Variants in CDK19 observed in about 807,000 individuals in gnomAD.
CDK19 encodes the protein cyclin-dependent kinase 19.
A neutral mutation model predicts 68.3 loss-of-function variants in CDK19; 20 were observed. The observed-to-expected ratio is 0.29, with a 90% CI of 0.21 to 0.43. The LOEUF (loss-of-function observed/expected upper bound fraction) is 0.43. Ranked by LOEUF, CDK19 falls within the 20% of genes least tolerant of loss-of-function variation. The pLI is 1.00. For synonymous variants in CDK19, 221 were observed against 222.8 expected (o/e 0.99, Z 0.07); for missense variants, 339 against 623.5 (o/e 0.54, Z 4.86).
chr6:110,768,680 T>C (rs751923409), intron 1 of CDK19, among the ~76,000 whole-genome samples: 4 of 151,996 alleles, frequency 2.6e-5, no homozygotes, highest in Non-Finnish European at 4.4e-5. Flanking sequence ...GGCAAAACTG[T>C]AGAGACAGAA....
intron 1 of CDK19, 45 bp downstream of exon 1, chr6:110,814,964 G>T (rs1271059775): frequency 1.3e-6 from 2 of 1,594,554 alleles, no homozygotes; most frequent in Non-Finnish European, 1.7e-6. Context: ...GTCGCGGGCA[G>T]GGCGAGGACC....
At chr6:110,798,687 A>G (rs1422324640) in intron 1 of CDK19, among the ~76,000 whole-genome samples, 1 of 151,572 alleles carries the variant, frequency 6.6e-6, no homozygotes, top group Non-Finnish European at 1.5e-5. Flanking sequence ...AAGATATACC[A>G]GAAGACATGA....
At chr6:110,700,439 T>G (rs921097111) in intron 2 of CDK19, 3 of 133,918 alleles carry the variant, frequency 2.2e-5, no homozygotes, top group African/African-American at 8.2e-5. Context: ...AAAATTCAGC[T>G]TTTTTTTTTG....
chr6:110,625,097 T>C (rs1293271046), intron 8 of CDK19, among the ~76,000 whole-genome samples: 2 of 152,192 alleles, frequency 1.3e-5, no homozygotes, highest in Non-Finnish European at 2.9e-5. Context: ...TCAAAGGGCA[T>C]ACATATTTTA....
intron 4 of CDK19, among the ~76,000 whole-genome samples, chr6:110,644,477 C>T (rs1780417585): frequency 1.3e-5 from 2 of 151,892 alleles, no homozygotes; most frequent in African/African-American, 4.8e-5. Context: ...ACAGTCAATA[C>T]TAATTTAATT....
rs2114523267 is a variant in CDK19 at position 110,610,899 on chromosome 6, A to C, written c.*3636T>G. 1 of 152,290 alleles carries C rather than the reference A, an allele frequency of 6.6e-6. No homozygotes were observed. Among genetic ancestry groups the C allele is most frequent in the Middle Eastern group, 3.4e-3 (1 of 294 alleles). 9.4% of individuals were successfully genotyped at this position (152,290 alleles called of 1,614,324 possible). A position where few individuals can be genotyped will look rare whatever the true frequency, so the allele number is the denominator to read the frequency against. On this transcript the variant is annotated 3_prime_UTR_variant, in exon 13 of 13. Transcript: ENST00000368911. ...GAGAAAACAGCATCATTTTAGAGGC[A>C]TAGAGAACAAGTAGCAGTTGCTTCA...
chr6:110,728,571 G>T (rs1295354692), intron 2 of CDK19, among the ~76,000 whole-genome samples: 1 of 132,162 alleles, frequency 7.6e-6, no homozygotes, highest in African/African-American at 2.7e-5. Context: ...AGTCAGAGTG[G>T]TAAAAAAAAA....
intron 1 of CDK19, among the ~76,000 whole-genome samples, chr6:110,810,179 G>T (rs537418471): frequency 1.3e-5 from 2 of 152,178 alleles, no homozygotes; most frequent in Non-Finnish European, 2.9e-5. Flanking sequence ...AAAGACTACA[G>T]ACTTCAGGGT....
At chr6:110,660,135 A>C (rs190191564) in intron 4 of CDK19, among the ~76,000 whole-genome samples, 1 of 152,164 alleles carries the variant, frequency 6.6e-6, no homozygotes, top group Non-Finnish European at 1.5e-5. Context: ...GCTAGCCCCA[A>C]ATATCATTTA....
rs78169874 is a variant in CDK19, at chr6:110,698,109, G to T, written c.205-27568C>A. 0.022 allele frequency among the ~76,000 whole-genome samples: 3,320 copies of T among 152,088 alleles called. 368 individuals carry two copies. The East Asian group carries it at 0.36, about 16-fold the overall frequency. On this transcript the variant is annotated intron_variant, in intron 2 of 12. Transcript: ENST00000368911. ...CCTTCTGGACATTGGAATAGGCAAA[G>T]AATTCATGACTAAAAGCCCAAAAGC...
chr6:110,724,339 G>C (rs1379458027), intron 2 of CDK19, among the ~76,000 whole-genome samples: 1 of 152,056 alleles, frequency 6.6e-6, no homozygotes, highest in African/African-American at 2.4e-5. Flanking sequence ...TAAGCAACAA[G>C]AGCGAAACTC....
intron 2 of CDK19, among the ~76,000 whole-genome samples, chr6:110,676,816 C>T (rs1214038719): frequency 6.6e-6 from 1 of 152,152 alleles, no homozygotes; most frequent in Admixed American, 6.5e-5. Context: ...AAACCAAAAA[C>T]TTTGAGTGAC....
intron 2 of CDK19, among the ~76,000 whole-genome samples, chr6:110,712,232 T>C (rs1184847821): frequency 2.6e-5 from 4 of 152,212 alleles, no homozygotes; most frequent in Non-Finnish European, 5.9e-5. Context: ...GGCTAAGGTG[T>C]TATGGGCCTC....
chr6:110,681,406 G>A lies in CDK19; in HGVS notation c.205-10865C>T, dbSNP rs560722433. Among the ~76,000 whole-genome samples the A allele has an allele frequency of 7.2e-5, 11 of 152,268 alleles. 1 individual carries two copies. The East Asian group carries it at 1.5e-3, about 21-fold the overall frequency. Reference sequence around the variant, plus strand: ...ATTAACAATAGTTATTTCTGGGTGTGAGATTATGCATAATTTATATTTCTA... The same window carrying A: ...ATTAACAATAGTTATTTCTGGGTGTAAGATTATGCATAATTTATATTTCTA... On this transcript the variant is annotated intron_variant, in intron 2 of 12. Coordinates refer to ENST00000368911, the MANE Select transcript of CDK19 (RefSeq NM_015076.5).
rs764689015 is a variant in CDK19, at chr6:110,622,157, G to A, written c.1041C>T (p.Ala347=). 5.2e-5 allele frequency: 84 copies of A among 1,603,562 alleles called. No individual in the cohort carries two copies. The highest frequency in any genetic ancestry group is 1.0e-4 in the South Asian group (9 of 90,042). Reference sequence around the variant, plus strand: ...GTTTGGGGTATGGAATCTGGCAGCCGGCAAATACACTAAAAATCATTAAAA... The same window carrying A: ...GTTTGGGGTATGGAATCTGGCAGCCAGCAAATACACTAAAAATCATTAAAA... The part of the protein sequence containing the change: ...EDPLPTLDVF[A]GCQIPYPKRE... Residue 347 remains alanine (A), a synonymous_variant, in exon 11 of 13, where the codon GCC becomes GCT. Transcript: ENST00000368911.
In CDK19 at chr6:110,626,859, TA is replaced by T; in HGVS notation, c.791-15del. 1 of 1,473,984 alleles carries T rather than the reference TA, an allele frequency of 6.8e-7. No individual in the cohort carries two copies. Among genetic ancestry groups the T allele is most frequent in the Non-Finnish European group, 9.3e-7 (1 of 1,077,862 alleles). The allele number at this position is 1,473,984 out of a possible 1,614,324, so 91.3% of individuals were successfully genotyped here. The stretch of plus-strand genomic sequence containing the variant: ...CCCAGTCTTTATCTTACAAAAAAAT[TA>T]AATATTGTTATAGAAAATAATGTGT... On this transcript the variant is annotated splice_polypyrimidine_tract_variant and intron_variant, in intron 7 of 12. Coordinates refer to ENST00000368911, the MANE Select transcript of CDK19 (RefSeq NM_015076.5).
intron 1 of CDK19, among the ~76,000 whole-genome samples, chr6:110,776,429 CAAA>C (rs56306619): frequency 3.1e-5 from 4 of 127,010 alleles, no homozygotes; most frequent in Non-Finnish European, 1.7e-5. Context: ...AACTCTGTCT[CAAA>C]AAAAAAAAAA....
At chr6:110,684,527 G>A (rs533805541) in intron 2 of CDK19, among the ~76,000 whole-genome samples, 110 of 152,062 alleles carry the variant, frequency 7.2e-4, no homozygotes, top group African/African-American at 2.6e-3. Flanking sequence ...AAAAAGTATC[G>A]ACTTATTCTC....
chr6:110,748,495 T>G (rs990506136), intron 1 of CDK19, among the ~76,000 whole-genome samples: 5 of 152,254 alleles, frequency 3.3e-5, no homozygotes, highest in Non-Finnish European at 2.9e-5. Context: ...ACATTTAAAT[T>G]GAGAATGAAA....
Sources: gnomAD v4.1 joint callset for allele counts (sites outside exome capture counted in the v4.1 genomes callset) on GRCh38, gnomAD v4.1.1 for gene constraint, MANE v1.5 for transcripts, NCBI Gene and HGNC (gene_info 2026-07-23, HGNC 2026-07-21) for gene names.